Variants in SLC38A6 observed in about 807,000 individuals in gnomAD.
The protein encoded by SLC38A6 is N system amino acid transporter NAT-1.
SLC38A6 carries 73 observed loss-of-function variants against 65.0 expected under a neutral mutation model. That is an observed-to-expected ratio of 1.12 (90% CI 0.93 to 1.37). The LOEUF is 1.37. Ranked by LOEUF, SLC38A6 falls within the 40% of genes most tolerant of loss-of-function variation. The pLI is 0.00. For missense variants in SLC38A6, 561 were observed against 531.1 expected (o/e 1.06, Z -0.55); for synonymous variants, 183 against 178.8 (o/e 1.02, Z -0.19).
Position 61,008,533 on chromosome 14 carries a change from C to A in SLC38A6, c.311-7371C>A, listed in dbSNP as rs1467733823. Among the ~76,000 whole-genome samples the A allele has an allele frequency of 2.6e-5, 4 of 152,092 alleles. No homozygotes were observed. In the East Asian group the frequency reaches 7.7e-4, roughly 29 times the overall value. On this transcript the variant is annotated intron_variant, in intron 3 of 15. Coordinates refer to ENST00000267488, the MANE Select transcript of SLC38A6 (RefSeq NM_153811.3). ...AAAAGATATGTATTGCTGTACCAAG[C>A]CTTGGTATCTGCTATTCTCTTTAGT...
At chr14:61,043,241 C>T (rs1397193131) in intron 9 of SLC38A6, 29 bp downstream of exon 9, 2 of 1,360,800 alleles carry the variant, frequency 1.5e-6, no homozygotes, top group African/African-American at 3.0e-5. Context: ...TTTTCAGTTT[C>T]TTCCTTTTTA....
intron 3 of SLC38A6, among the ~76,000 whole-genome samples, chr14:60,995,412 A>C (rs1017208083): frequency 6.6e-6 from 1 of 152,228 alleles, no homozygotes; most frequent in African/African-American, 2.4e-5. Context: ...GGAATCTAAA[A>C]AAGTCAAATA....
At chr14:61,032,396 G>A (rs755431898) in intron 6 of SLC38A6, among the ~76,000 whole-genome samples, 16 of 151,616 alleles carry the variant, frequency 1.1e-4, no homozygotes, top group Admixed American at 2.0e-4. Context: ...TATTTTTACC[G>A]TAGCTTCATT....
intron 3 of SLC38A6, among the ~76,000 whole-genome samples, chr14:61,011,698 A>G (rs1001337361): frequency 6.6e-6 from 1 of 152,168 alleles, no homozygotes; most frequent in African/African-American, 2.4e-5. Context: ...TGATTTGCGT[A>G]TGTTGAACCA....
At chr14:61,008,360 T>C (rs1356645651) in intron 3 of SLC38A6, among the ~76,000 whole-genome samples, 2 of 152,176 alleles carry the variant, frequency 1.3e-5, no homozygotes, top group African/African-American at 4.8e-5. Context: ...AAAATGCTTA[T>C]TTTTACATAC....
chr14:61,070,483 C>T (rs535726029), intron 15 of SLC38A6, among the ~76,000 whole-genome samples: 1 of 152,206 alleles, frequency 6.6e-6, no homozygotes, highest in Non-Finnish European at 1.5e-5. Flanking sequence ...GTTGTTTTCA[C>T]CTCTTGGCTA....
intron 3 of SLC38A6, among the ~76,000 whole-genome samples, chr14:60,985,976 C>G (rs1230357209): frequency 1.3e-5 from 2 of 152,168 alleles, no homozygotes; most frequent in African/African-American, 4.8e-5. Context: ...CACTCATTAC[C>G]CCAAGGAAGG....
At chr14:60,997,415 G>A (rs2038375393) in intron 3 of SLC38A6, among the ~76,000 whole-genome samples, 1 of 152,188 alleles carries the variant, frequency 6.6e-6, no homozygotes, top group African/African-American at 2.4e-5. Context: ...GCTTCCCAAA[G>A]TACTGGGATT....
Position 61,037,797 on chromosome 14 carries a change from CTG to C in SLC38A6, c.624+118_624+119del. On this transcript the variant is annotated intron_variant, in intron 8 of 15. Coordinates refer to ENST00000267488, the MANE Select transcript of SLC38A6 (RefSeq NM_153811.3). ...GGGAAGGGTATCTCATTTTATTTCA[CTG>C]TGTTATTAAAAGCACTTTTGTTCCA... The C allele has an allele frequency of 2.3e-5, 15 of 659,782 alleles. 2 individuals are homozygous for C. In the South Asian group the frequency reaches 3.3e-4, roughly 14 times the overall value. 40.9% of individuals were successfully genotyped at this position (659,782 alleles called of 1,614,324 possible).
chr14:60,990,739 G>A (rs2037815172), intron 3 of SLC38A6, among the ~76,000 whole-genome samples: 2 of 152,114 alleles, frequency 1.3e-5, no homozygotes, highest in Non-Finnish European at 2.9e-5. Context: ...TCAGCCTCCC[G>A]GGTAGCTGGT....
intron 16 of SLC38A6, chr14:61,083,514 T>C (rs2043738072): frequency 6.5e-7 from 1 of 1,536,436 alleles, no homozygotes; most frequent in African/African-American, 1.4e-5. Flanking sequence ...ATGAGGCCAT[T>C]AAGCCCTAAT....
chr14:61,025,683 G>GA (rs1183236896), intron 5 of SLC38A6, among the ~76,000 whole-genome samples: 1 of 152,104 alleles, frequency 6.6e-6, no homozygotes, highest in African/African-American at 2.4e-5. Flanking sequence ...TTAAGATCCT[G>GA]AAAATGATAA....
chr14:61,001,228 G>A (rs923039821), intron 3 of SLC38A6, among the ~76,000 whole-genome samples: 3 of 152,156 alleles, frequency 2.0e-5, no homozygotes, highest in Non-Finnish European at 2.9e-5. Flanking sequence ...GGCCAGGAAT[G>A]ATGCTAAACA....
At position 61,019,562 on chromosome 14, in the gene SLC38A6, A is replaced by C; in HGVS notation, c.385A>C (p.Ile129Leu). The C allele has an allele frequency of 6.2e-7, 1 of 1,613,494 alleles. No homozygotes were observed. Among genetic ancestry groups the C allele is most frequent in the Non-Finnish European group, 8.5e-7 (1 of 1,179,554 alleles). Residue 129 changes from isoleucine (I) to leucine (L), a missense_variant, in exon 5 of 16, where the codon ATA (isoleucine) becomes CTA (leucine). Transcript: ENST00000267488. ...PGKLVVAGTI[I>L]IQNIGAMSSY... is the part of the protein sequence containing the mutation. ...ACAGTTGGTGGTGGCAGGCACCATA[A>C]TAATTCAGAATATTGGAGGTAAGCA...
At chr14:61,053,315 A>G (rs959625944), downstream of SLC38A6, among the ~76,000 whole-genome samples, 13 of 152,152 alleles carry the variant, frequency 8.5e-5, no homozygotes, top group Non-Finnish European at 1.3e-4. Flanking sequence ...GGCTATAGTG[A>G]ATAGTGCTAC....
intron 12 of SLC38A6, 79 bp from the exon 13 acceptor site, chr14:61,050,433 A>G (rs914833200): frequency 2.1e-6 from 2 of 951,732 alleles, no homozygotes; most frequent in East Asian, 3.0e-5. Context: ...GTTATCATCC[A>G]TTAGTGCAAA....
At chr14:61,050,134 T>C (rs1325149347) in intron 12 of SLC38A6, among the ~76,000 whole-genome samples, 2 of 152,192 alleles carry the variant, frequency 1.3e-5, no homozygotes, top group Non-Finnish European at 2.9e-5. Flanking sequence ...TTTAACACTT[T>C]TGGACCTACC....
At chr14:61,043,376 C>A in intron 9 of SLC38A6, 74 bp from the exon 10 acceptor site, 2 of 1,259,184 alleles carry the variant, frequency 1.6e-6, no homozygotes, top group South Asian at 1.4e-5. Context: ...ATAATAAATT[C>A]ATCATTTTTA....
chr14:61,019,820 A>G (rs1288976695), intron 5 of SLC38A6, among the ~76,000 whole-genome samples: 2 of 152,026 alleles, frequency 1.3e-5, no homozygotes, highest in Non-Finnish European at 1.5e-5. Flanking sequence ...GGTCTGCAAC[A>G]CACCTCTAAA....
Sources: allele counts gnomAD v4.1 joint callset (sites outside exome capture counted in the v4.1 genomes callset), GRCh38; gene constraint gnomAD v4.1.1; transcripts MANE v1.5; gene names NCBI Gene and HGNC (gene_info 2026-07-23, HGNC 2026-07-21).